FNDC1: variants seen among roughly 807,000 people sequenced by gnomAD.
The protein encoded by FNDC1 is fibronectin type III domain-containing protein 1.
Under a neutral mutation model 168.0 loss-of-function variants are expected in FNDC1, and 96 were observed. The ratio of observed to expected loss-of-function variants is 0.57; its 90% CI spans 0.48 to 0.68. FNDC1 has a LOEUF of 0.68. Ranked by LOEUF, FNDC1 falls within the 30% of genes least tolerant of loss-of-function variation. The pLI, the probability that FNDC1 is intolerant of heterozygous loss-of-function variation, is 0.00. For synonymous variants in FNDC1, 1,099 were observed against 1,025.9 expected (o/e 1.07, Z -1.36); for missense variants, 2,587 against 2,482.1 (o/e 1.04, Z -0.90).
intron 22 of FNDC1, 109 bp downstream of exon 22, chr6:159,268,035 A>T (rs1367583190): frequency 1.7e-6 from 2 of 1,144,746 alleles, no homozygotes; most frequent in Non-Finnish European, 2.5e-6. Context: ...TCGAAGATGG[A>T]TGTTGGGAGC....
rs944644073 is a variant in FNDC1, at chr6:159,221,594, A to G, written c.668-4A>G. ...AATCTCATCCCTCACTCCCTGGTCC[A>G]CAGCCTCGGAATCCGTGTATGTGGT... On this transcript the variant is annotated splice_region_variant and splice_polypyrimidine_tract_variant and intron_variant, in intron 5 of 22. Transcript: ENST00000297267. The G allele has an allele frequency of 1.9e-6, 3 of 1,613,308 alleles. No homozygotes were observed. Among genetic ancestry groups the G allele is most frequent in the African/African-American group, 1.3e-5 (1 of 74,924 alleles).
chr6:159,226,381 T>TA, intron 8 of FNDC1, 92 bp from the exon 9 acceptor site: 1 of 973,510 alleles, frequency 1.0e-6, no homozygotes. Context: ...GTCTTCAATT[T>TA]AAAAAAATGT....
At chr6:159,196,527 A>G (rs989366088) in intron 1 of FNDC1, among the ~76,000 whole-genome samples, 2 of 152,118 alleles carry the variant, frequency 1.3e-5, no homozygotes, top group African/African-American at 4.8e-5. Flanking sequence ...TGAGACTCCA[A>G]ATGCGTTTTT....
At position 159,232,370 on chromosome 6, in the gene FNDC1, C is replaced by T. The variant is rs779254555; in HGVS notation, c.1858C>T (p.Pro620Ser). ...GGCGCCCCCCTCGGCTTCGGCCTCT[C>T]CTGCCCACCACGCGTCCACCCAGGG... The part of the protein sequence containing the change: ...PGAPPSASAS[P>S]AHHASTQGTS... The change falls in exon 11 of 23, where the codon CCT becomes TCT. Residue 620 changes from proline to serine, a missense_variant. Pro to Ser is a moderately conservative substitution (Grantham distance 74). Coordinates refer to ENST00000297267, the MANE Select transcript of FNDC1 (RefSeq NM_032532.3). The surrounding 1 kb of genome is among the most constrained non-coding windows in gnomAD (Gnocchi z 4.9). 5 of 1,613,498 alleles carry T rather than the reference C, an allele frequency of 3.1e-6. No individual in the cohort carries two copies. Among genetic ancestry groups the T allele is most frequent in the East Asian group, 4.5e-5 (2 of 44,852 alleles).
chr6:159,172,746 G>T (rs1781686633), intron 1 of FNDC1, among the ~76,000 whole-genome samples: 1 of 152,170 alleles, frequency 6.6e-6, no homozygotes, highest in Non-Finnish European at 1.5e-5. Context: ...CAGATTCTAA[G>T]AATTGGCTAC....
intron 2 of FNDC1, 50 bp from the exon 3 acceptor site, chr6:159,199,946 T>C: frequency 6.8e-7 from 1 of 1,475,708 alleles, no homozygotes; most frequent in Non-Finnish European, 9.3e-7. Context: ...TGAAACTGTG[T>C]CATTCTTGGA....
chr6:159,222,949 C>T (rs1385496637), intron 6 of FNDC1, among the ~76,000 whole-genome samples: 5 of 148,202 alleles, frequency 3.4e-5, no homozygotes, highest in Non-Finnish European at 7.5e-5. Flanking sequence ...TTTTATATGT[C>T]GATTGGGTTG....
At chr6:159,246,600 G>A (rs1777136817) in intron 14 of FNDC1, among the ~76,000 whole-genome samples, 1 of 152,224 alleles carries the variant, frequency 6.6e-6, no homozygotes, top group African/African-American at 2.4e-5. Context: ...TGAGGTGGTG[G>A]GAGGGAGGTG....
chr6:159,178,327 G>A (rs2114920258), intron 1 of FNDC1, among the ~76,000 whole-genome samples: 1 of 152,270 alleles, frequency 6.6e-6, no homozygotes, highest in Non-Finnish European at 1.5e-5. Flanking sequence ...GTTCACCGTG[G>A]CATACAAATT....
rs78330266 is a variant in FNDC1 at position 159,220,041 on chromosome 6, A to G, written c.668-1557A>G. On this transcript the variant is annotated intron_variant, in intron 5 of 22. Transcript: ENST00000297267. ...CCTCCCTTTTATAAAACATTTTAAA[A>G]TCTTCTGGTAGAATAAGAGGTGAGT... is the stretch of plus-strand genomic sequence containing the variant. Among the ~76,000 whole-genome samples the G allele has an allele frequency of 3.9e-5, 6 of 152,302 alleles. No individual in the cohort carries two copies. The East Asian group carries it at 1.2e-3, about 29-fold the overall frequency.
At chr6:159,268,046 A>T in intron 22 of FNDC1, 120 bp downstream of exon 22, 1 of 1,000,028 alleles carries the variant, frequency 1.0e-6, no homozygotes, top group Non-Finnish European at 1.5e-6. Context: ...TGTTGGGAGC[A>T]CTTAAGGTCA....
At chr6:159,199,970 G>A (rs1370642648) in intron 2 of FNDC1, 26 bp from the exon 3 acceptor site, 3 of 1,575,036 alleles carry the variant, frequency 1.9e-6, no homozygotes, top group East Asian at 2.3e-5. Context: ...CTGAATTGGT[G>A]GCTTGATATG....
rs1417835867 is a variant in FNDC1 at position 159,232,769 on chromosome 6, A to G, written c.2257A>G (p.Thr753Ala). ...GGKDGEDAPA[T>A]NSNAPSRSTM... ...GAAGGATGGTGAGGACGCCCCAGCC[A>G]CCAACTCCAATGCGCCATCACGGTC... The change falls in exon 11 of 23, where the codon ACC becomes GCC. Residue 753 changes from threonine to alanine, a missense_variant. Physicochemically the swap from Thr to Ala is moderately conservative, Grantham distance 58. Transcript: ENST00000297267. The surrounding 1 kb of genome is among the most constrained non-coding windows in gnomAD (Gnocchi z 4.9). The G allele has an allele frequency of 2.5e-6, 4 of 1,613,748 alleles. No individual in the cohort carries two copies. Among genetic ancestry groups the G allele is most frequent in the Non-Finnish European group, 3.4e-6 (4 of 1,179,862 alleles).
chr6:159,246,697 C>T (rs1189858892), intron 14 of FNDC1, among the ~76,000 whole-genome samples: 4 of 152,174 alleles, frequency 2.6e-5, no homozygotes, highest in African/African-American at 9.7e-5. Flanking sequence ...TCGCCCTTTC[C>T]TGGGCCCAAA....
At chr6:159,191,048 G>C (rs1782127376) in intron 1 of FNDC1, among the ~76,000 whole-genome samples, 2 of 152,198 alleles carry the variant, frequency 1.3e-5, no homozygotes, top group African/African-American at 4.8e-5. Flanking sequence ...AAAGCAAAGG[G>C]GAAGCAAGAA....
At chr6:159,256,718 A>G in intron 18 of FNDC1, 87 bp downstream of exon 18, 1 of 1,002,236 alleles carries the variant, frequency 1.0e-6, no homozygotes, top group Non-Finnish European at 1.5e-6. Flanking sequence ...GAGGAATCAA[A>G]ATGTTTTTGT....
At chr6:159,254,055 G>A (rs1285675970) in intron 17 of FNDC1, among the ~76,000 whole-genome samples, 3 of 152,190 alleles carry the variant, frequency 2.0e-5, no homozygotes, top group Non-Finnish European at 4.4e-5. Context: ...TGTGGGGAGG[G>A]CTCCAGGGTC....
At chr6:159,240,901 A>G (rs1583903906) in intron 14 of FNDC1, 1 of 152,364 alleles carries the variant, frequency 6.6e-6, no homozygotes, top group Admixed American at 6.5e-5. Flanking sequence ...AAACCAAGGC[A>G]GAGTGAAGAT....
chr6:159,246,704 C>A (rs1164706933), intron 14 of FNDC1, among the ~76,000 whole-genome samples, 197 bp from the exon 15 acceptor site: 1 of 152,080 alleles, frequency 6.6e-6, no homozygotes, highest in Non-Finnish European at 1.5e-5. Flanking sequence ...TTCCTGGGCC[C>A]AAAGGAGAGA....
Sources: allele counts gnomAD v4.1 joint callset (sites outside exome capture counted in the v4.1 genomes callset), GRCh38; gene constraint gnomAD v4.1.1; non-coding constraint Gnocchi (gnomAD v3.1); transcripts MANE v1.5; gene names NCBI Gene and HGNC (gene_info 2026-07-23, HGNC 2026-07-21).